The following C1orf141 variants were observed in gnomAD, a reference collection of about 807,000 sequenced individuals.
The protein encoded by C1orf141 is uncharacterized protein C1orf141.
Under a neutral mutation model 23.2 loss-of-function variants are expected in C1orf141, and 19 were observed. The observed-to-expected ratio is 0.82, with a 90% CI of 0.57 to 1.20. The LOEUF (loss-of-function observed/expected upper bound fraction) is 1.20, where lower values mean the gene tolerates loss of function less well. C1orf141 is among the 50% of genes most tolerant of loss of function. The pLI is 0.00. For synonymous variants in C1orf141, 153 were observed against 154.6 expected (o/e 0.99, Z 0.08); for missense variants, 469 against 455.1 (o/e 1.03, Z -0.28).
At chr1:67,131,664 G>A (rs1269080335) in intron 1 of C1orf141, among the ~76,000 whole-genome samples, 4 of 151,648 alleles carry the variant, frequency 2.6e-5, no homozygotes, top group South Asian at 2.1e-4. Context: ...TCCTGGACAC[G>A]TCCTGCCCTT....
chr1:67,136,233 G>T (rs978332698), upstream of C1orf141, among the ~76,000 whole-genome samples: 1 of 152,052 alleles, frequency 6.6e-6, no homozygotes, highest in African/African-American at 2.4e-5. Flanking sequence ...AAGGACAGGG[G>T]TCTCACTATG....
chr1:67,117,533 A>G (rs1386331309), intron 4 of C1orf141, among the ~76,000 whole-genome samples: 1 of 152,218 alleles, frequency 6.6e-6, no homozygotes, highest in African/African-American at 2.4e-5. Context: ...TTTTAAAAAT[A>G]ATTATGTAAT....
intron 5 of C1orf141, among the ~76,000 whole-genome samples, chr1:67,107,089 G>T (rs1349918623): frequency 2.0e-5 from 3 of 152,186 alleles, no homozygotes; most frequent in African/African-American, 4.8e-5. Flanking sequence ...ATAGTGCAAA[G>T]GTTTGGGGAA....
At position 67,127,171 on chromosome 1, in the gene C1orf141, T is replaced by G; in HGVS notation, c.70A>C (p.Thr24Pro). ...GTAGCTTATACGTCACAAACCTTTGTTCTTCTGGCCAAGATTATCTCTGCT... is the reference window on the plus strand; with the variant it reads ...GTAGCTTATACGTCACAAACCTTTGGTCTTCTGGCCAAGATTATCTCTGCT... ...KQAEIILARR[T>P]KINRLQSEGR... is the part of the protein sequence containing the mutation. Residue 24 changes from threonine (T) to proline (P), a missense_variant, in exon 3 of 8, where the codon ACA becomes CCA. Physicochemically the swap from Thr to Pro is conservative, Grantham distance 38. Around this residue, in one of 3 missense-constraint regions of C1orf141, gnomAD observed 95 missense variants for 90.3 expected, o/e 1.05. Transcript: ENST00000684719. 1 of 1,604,756 alleles carries G rather than the reference T, an allele frequency of 6.2e-7. No individual in the cohort carries two copies. Among genetic ancestry groups the G allele is most frequent in the Non-Finnish European group, 8.5e-7 (1 of 1,175,724 alleles).
upstream of C1orf141, among the ~76,000 whole-genome samples, chr1:67,139,920 T>C (rs1456781398): frequency 6.6e-6 from 1 of 152,054 alleles, no homozygotes; most frequent in Non-Finnish European, 1.5e-5. Context: ...GTTAACAGAT[T>C]AATGGATTAT....
chr1:67,124,551 T>C (rs1646366624), intron 4 of C1orf141, among the ~76,000 whole-genome samples: 1 of 152,186 alleles, frequency 6.6e-6, no homozygotes, highest in Non-Finnish European at 1.5e-5. Flanking sequence ...ACTCCTGACC[T>C]CAGGCAATTC....
At chr1:67,138,538 T>G (rs1212016293), upstream of C1orf141, among the ~76,000 whole-genome samples, 2 of 151,968 alleles carry the variant, frequency 1.3e-5, no homozygotes, top group Admixed American at 1.3e-4. Context: ...TGTGTGTGTG[T>G]TTTTTTTCTC....
intron 5 of C1orf141, chr1:67,103,224 T>G: frequency 1.5e-6 from 2 of 1,356,154 alleles, no homozygotes; most frequent in Non-Finnish European, 2.0e-6. Context: ...AATGTAAACA[T>G]GCAATTTGTA....
intron 5 of C1orf141, chr1:67,103,148 C>A: frequency 1.5e-6 from 1 of 656,220 alleles, no homozygotes; most frequent in African/African-American, 1.8e-5. Flanking sequence ...GACGAATATT[C>A]CTTGGATAAA....
At chr1:67,112,432 T>C (rs1646094035) in intron 5 of C1orf141, among the ~76,000 whole-genome samples, 2 of 152,158 alleles carry the variant, frequency 1.3e-5, no homozygotes, top group Admixed American at 1.3e-4. Context: ...ACTTGTGCAG[T>C]GGCTTACACC....
chr1:67,111,665 AT>A, intron 5 of C1orf141: 1 of 1,180,204 alleles, frequency 8.5e-7, no homozygotes, highest in South Asian at 1.8e-5. Context: ...AAACATAAGT[AT>A]TTCCATGCTA....
intron 1 of C1orf141, among the ~76,000 whole-genome samples, chr1:67,132,106 T>C (rs1646526245): frequency 6.6e-6 from 1 of 151,922 alleles, no homozygotes; most frequent in African/African-American, 2.4e-5. Context: ...CTTGGCATTG[T>C]CTCATTCCTT....
chr1:67,138,690 C>T (rs1646606229), upstream of C1orf141, among the ~76,000 whole-genome samples: 1 of 152,166 alleles, frequency 6.6e-6, no homozygotes, highest in Non-Finnish European at 1.5e-5. Flanking sequence ...CTCAGCAAAC[C>T]CATGGTACAG....
chr1:67,140,639 A>G (rs908479431), intron 1 of C1orf141, among the ~76,000 whole-genome samples: 1 of 152,224 alleles, frequency 6.6e-6, no homozygotes, highest in Non-Finnish European at 1.5e-5. Context: ...TAAAAAATGT[A>G]TTAATCTTTG....
intron 5 of C1orf141, among the ~76,000 whole-genome samples, chr1:67,105,539 G>T (rs1645905879): frequency 1.3e-5 from 2 of 151,930 alleles, no homozygotes; most frequent in Admixed American, 1.3e-4. Flanking sequence ...GGGGAATTCT[G>T]ATTCAACGTA....
Position 67,125,811 on chromosome 1 carries a change from C to A in C1orf141, c.174G>T (p.Ala58=). ...LEFEEALATS[A]SKAISKIKED... is the part of the protein sequence containing the mutation. ...CTTTGATCTTTGATATTGCCTTAGA[C>A]GCGGATGTAGCAAGAGCTTCTTCAA... The change falls in exon 4 of 8, where the codon GCG becomes GCT. Residue 58 remains alanine (A), a synonymous_variant. Transcript: ENST00000684719. 6.2e-7 allele frequency: 1 copy of A among 1,613,442 alleles called. No homozygotes were observed. The highest frequency in any genetic ancestry group is 8.5e-7 in the Non-Finnish European group (1 of 1,179,840).
intron 4 of C1orf141, chr1:67,121,531 C>A (rs530739477): frequency 2.0e-5 from 3 of 152,040 alleles, no homozygotes; most frequent in African/African-American, 7.2e-5. Context: ...CAAATTTCTA[C>A]CATATGAATA....
At chr1:67,135,390 T>C (rs1018130664), upstream of C1orf141, among the ~76,000 whole-genome samples, 12 of 152,214 alleles carry the variant, frequency 7.9e-5, no homozygotes, top group African/African-American at 2.4e-4. Flanking sequence ...TGGCTTATGA[T>C]ATTAAAAACA....
upstream of C1orf141, among the ~76,000 whole-genome samples, chr1:67,136,863 A>G (rs969294742): frequency 2.6e-5 from 4 of 152,208 alleles, no homozygotes; most frequent in African/African-American, 9.6e-5. Context: ...TGTTTGGTAA[A>G]TGTACACAAA....
Sources: gnomAD v4.1 joint callset for allele counts (sites outside exome capture counted in the v4.1 genomes callset) on GRCh38, gnomAD v4.1.1 for gene constraint, gnomAD v4.1.1 regional missense constraint, MANE v1.5 for transcripts, NCBI Gene and HGNC (gene_info 2026-07-23, HGNC 2026-07-21) for gene names.